The following PRELID2 variants were observed in gnomAD, a reference collection of about 807,000 sequenced individuals.
PRELID2 encodes the protein PRELI domain containing 2, also known as PRELI domain-containing protein 2.
In PRELID2, 25 loss-of-function variants were observed where a neutral mutation model predicts 28.4. The observed-to-expected ratio is 0.88, with a 90% CI of 0.64 to 1.23. PRELID2 has a LOEUF of 1.23. Ranked by LOEUF, PRELID2 falls within the 50% of genes most tolerant of loss-of-function variation. The pLI is 0.00. For synonymous variants in PRELID2, 76 were observed against 71.6 expected, an observed-to-expected ratio of 1.06 and a Z score of -0.31; for missense variants, 201 against 214.4, an observed-to-expected ratio of 0.94 and a Z score of 0.39.
At chr5:145,322,139 T>A in the PRELID2 span, among the ~76,000 whole-genome samples, 1 of 152,360 alleles carries the variant, frequency 6.6e-6, no homozygotes, top group Non-Finnish European at 1.5e-5. Context: ...CAAAAATGGC[T>A]AGAAAATGTC....
chr5:145,422,456 C>A, the PRELID2 span, among the ~76,000 whole-genome samples: 77 of 152,290 alleles, frequency 5.1e-4, no homozygotes, highest in Non-Finnish European at 9.8e-4. Context: ...GTTAGCTCTT[C>A]TTGTTGAATT....
chr5:145,297,227 T>G, the PRELID2 span, among the ~76,000 whole-genome samples: 3 of 152,152 alleles, frequency 2.0e-5, no homozygotes, highest in South Asian at 6.2e-4. Flanking sequence ...TTGGCTTTTG[T>G]TGCCATTGCT....
chr5:145,461,997 T>C, the PRELID2 span, among the ~76,000 whole-genome samples: 2 of 152,190 alleles, frequency 1.3e-5, no homozygotes, highest in African/African-American at 4.8e-5. Context: ...TCATTTGTTA[T>C]TGCAGCACAA....
chr5:145,319,716 T>C, the PRELID2 span, among the ~76,000 whole-genome samples: 1 of 151,410 alleles, frequency 6.6e-6, no homozygotes, highest in East Asian at 1.9e-4. Context: ...AATAAATAAA[T>C]AAATAAATAA....
At chr5:145,278,301 T>G in the PRELID2 span, among the ~76,000 whole-genome samples, 1 of 152,192 alleles carries the variant, frequency 6.6e-6, no homozygotes, top group African/African-American at 2.4e-5. Context: ...ACTAATTATG[T>G]GACAGTTTCT....
chr5:145,373,337 T>TATATTACAACATATATAATATATATG, the PRELID2 span, among the ~76,000 whole-genome samples: 16 of 102,896 alleles, frequency 1.6e-4, no homozygotes, highest in African/African-American at 5.3e-4. Context: ...ATATACGATA[T>TATATTACAACATATATAATATATATG]ATATTACAAC....
intron 1 of PRELID2, among the ~76,000 whole-genome samples, chr5:145,663,363 T>C (rs1168254633): frequency 6.6e-6 from 1 of 152,078 alleles, no homozygotes; most frequent in Non-Finnish European, 1.5e-5. Flanking sequence ...AGAACATGAT[T>C]TGAGATATAT....
At chr5:145,524,231 A>G (rs1337261933) in intron 1 of PRELID2, among the ~76,000 whole-genome samples, 1 of 152,224 alleles carries the variant, frequency 6.6e-6, no homozygotes, top group East Asian at 1.9e-4. Context: ...TGGCATTCAC[A>G]GGAATGGGTC....
chr5:145,434,703 CTCTA>C, the PRELID2 span, among the ~76,000 whole-genome samples: 1 of 152,188 alleles, frequency 6.6e-6, no homozygotes, highest in African/African-American at 2.4e-5. Context: ...AACCTGGCAT[CTCTA>C]TCTTAGGGAA....
intron 1 of PRELID2, among the ~76,000 whole-genome samples, chr5:145,564,000 A>C (rs894462798): frequency 2.6e-5 from 4 of 152,224 alleles, no homozygotes; most frequent in African/African-American, 9.6e-5. Context: ...TTCACTATGC[A>C]TATGTACGTC....
the PRELID2 span, among the ~76,000 whole-genome samples, chr5:145,337,259 A>T: frequency 6.6e-6 from 1 of 152,118 alleles, no homozygotes; most frequent in East Asian, 1.9e-4. Flanking sequence ...AATAGAAAAG[A>T]TCATCAAAAC....
intron 1 of PRELID2, among the ~76,000 whole-genome samples, chr5:145,630,722 G>A (rs1191513070): frequency 6.6e-6 from 1 of 152,144 alleles, no homozygotes; most frequent in Admixed American, 6.5e-5. Flanking sequence ...GGAAGGCCTT[G>A]GTGGCATACC....
chr5:145,314,465 T>A, the PRELID2 span, among the ~76,000 whole-genome samples: 1 of 152,182 alleles, frequency 6.6e-6, no homozygotes, highest in Non-Finnish European at 1.5e-5. Context: ...TTATTCACTT[T>A]AGAAATACAG....
chr5:145,371,860 C>T, the PRELID2 span, among the ~76,000 whole-genome samples: 1 of 140,922 alleles, frequency 7.1e-6, no homozygotes. Context: ...CTTTATTAGT[C>T]TAGCTAGTGG....
At chr5:145,229,081 G>T in the PRELID2 span, 1 of 1,541,884 alleles carries the variant, frequency 6.5e-7, no homozygotes. Context: ...TACCTCCTGG[G>T]TACTTCTCTC....
At chr5:145,652,083 T>C (rs1754308345) in intron 1 of PRELID2, among the ~76,000 whole-genome samples, 1 of 152,184 alleles carries the variant, frequency 6.6e-6, no homozygotes, top group South Asian at 2.1e-4. Flanking sequence ...CTGAAAACCA[T>C]GGCACGAGAA....
intron 1 of PRELID2, among the ~76,000 whole-genome samples, chr5:145,519,494 T>C (rs1253294065): frequency 6.6e-6 from 1 of 152,236 alleles, no homozygotes; most frequent in African/African-American, 2.4e-5. Flanking sequence ...TTTCCTCTGA[T>C]AGTCACTTTC....
the PRELID2 span, among the ~76,000 whole-genome samples, chr5:145,422,393 C>T: frequency 1.3e-5 from 2 of 152,296 alleles, no homozygotes; most frequent in African/African-American, 4.8e-5. Context: ...TCACTCAGGA[C>T]TTGCTTTGTG....
the PRELID2 span, among the ~76,000 whole-genome samples, chr5:145,406,060 GA>G: frequency 4.6e-5 from 7 of 152,054 alleles, no homozygotes; most frequent in Non-Finnish European, 8.8e-5. Context: ...GGGATCACAA[GA>G]ACAACACCAT....
Sources: gnomAD v4.1 joint callset for allele counts (sites outside exome capture counted in the v4.1 genomes callset) on GRCh38, gnomAD v4.1.1 for gene constraint, MANE v1.5 for transcripts, NCBI Gene and HGNC (gene_info 2026-07-23, HGNC 2026-07-21) for gene names.